The following KCNQ1OT1 variants were observed in gnomAD, a reference collection of about 807,000 sequenced individuals.
The protein encoded by KCNQ1OT1 is KCNQ1 antisense RNA 2 (non-protein coding).
chr11:2,692,093 T>A (rs550973613), exon 1 of KCNQ1OT1: 7 of 398,208 alleles, frequency 1.8e-5, no homozygotes, highest in African/African-American at 1.4e-4. Flanking sequence ...TGCCCCCACC[T>A]CCTCTCCACA....
chr11:2,612,806 AT>A lies in KCNQ1OT1; in HGVS notation n.87188del, dbSNP rs1035462387. The A allele has an allele frequency of 1.8e-5, 7 of 398,012 alleles. No homozygotes were observed. Among genetic ancestry groups the A allele is most frequent in the Non-Finnish European group, 3.1e-5 (7 of 225,970 alleles). 24.7% of individuals were successfully genotyped at this position (398,012 alleles called of 1,614,324 possible). ...AATTTTCTGTTTCTTTGCATATCTC[AT>A]TTTTTTTGTTAAAAACTTACTTTAG... On this transcript the variant is annotated non_coding_transcript_exon_variant, in exon 1 of 1. Coordinates refer to ENST00000597346, the Ensembl canonical transcript of KCNQ1OT1. The surrounding 1 kb of genome is among the most constrained non-coding windows in gnomAD (Gnocchi z 5.5).
exon 1 of KCNQ1OT1, chr11:2,688,858 G>A: frequency 2.5e-6 from 1 of 399,158 alleles, no homozygotes; most frequent in Non-Finnish European, 4.4e-6. Context: ...AGAGGGCTGG[G>A]CCAGAGGTCA....
rs1208119503 is a variant in KCNQ1OT1, at chr11:2,652,642, C to T, written n.47353G>A. ...TCTTGGGAGACCTAGACAGTGACTT[C>T]CTGCAGCATGGAGACCCGGGTGGGT... On this transcript the variant is annotated non_coding_transcript_exon_variant, in exon 1 of 1. Coordinates refer to ENST00000597346, the Ensembl canonical transcript of KCNQ1OT1. The surrounding 1 kb of genome is among the most constrained non-coding windows in gnomAD (Gnocchi z 5.9). 1 of 398,630 alleles carries T rather than the reference C, an allele frequency of 2.5e-6. No individual in the cohort carries two copies. The highest frequency in any genetic ancestry group is 4.4e-6 in the Non-Finnish European group (1 of 226,174). The allele number at this position is 398,630 out of a possible 1,614,324, so 24.7% of individuals were successfully genotyped here. A position where few individuals can be genotyped will look rare whatever the true frequency, so the allele number is the denominator to read the frequency against.
exon 1 of KCNQ1OT1, chr11:2,672,502 G>C (rs415020): frequency 2.5e-6 from 1 of 398,688 alleles, no homozygotes. Flanking sequence ...GTGCCTAGGA[G>C]CTCTGTGCTC....
rs534052659 is a variant in KCNQ1OT1, at chr11:2,644,615, C to T, written n.55380G>A. ...TTCCTTAGGAGTTGTCATGTTTTGC[C>T]TTTTCATGTTTCTTGTGTGCTTACA... On this transcript the variant is annotated non_coding_transcript_exon_variant, in exon 1 of 1. Coordinates refer to ENST00000597346, the Ensembl canonical transcript of KCNQ1OT1. 8.8e-4 allele frequency: 351 copies of T among 398,408 alleles called. 1 individual carries two copies. The highest frequency in any genetic ancestry group is 5.7e-3 in the African/African-American group (277 of 48,702). 24.7% of individuals were successfully genotyped at this position (398,408 alleles called of 1,614,324 possible). A position where few individuals can be genotyped will look rare whatever the true frequency, so the allele number is the denominator to read the frequency against.
exon 1 of KCNQ1OT1, chr11:2,699,798 G>A (rs1454221624): frequency 2.8e-5 from 11 of 396,990 alleles, no homozygotes; most frequent in Non-Finnish European, 4.9e-5. Flanking sequence ...GCCGAGGGGC[G>A]CGCCGGGGAG....
In KCNQ1OT1 at chr11:2,687,690, G is replaced by A. The variant is rs1244101847; in HGVS notation, n.12305C>T. The A allele has an allele frequency of 1.0e-5, 4 of 398,654 alleles. No individual in the cohort carries two copies. Among genetic ancestry groups the A allele is most frequent in the Non-Finnish European group, 1.8e-5 (4 of 226,188 alleles). 24.7% of individuals were successfully genotyped at this position (398,654 alleles called of 1,614,324 possible). A position where few individuals can be genotyped will look rare whatever the true frequency, so the allele number is the denominator to read the frequency against. ...CAGGTCTCAGGGAGCTCAGGGTTCAGTGTTGGAATGGGTCTGGGCCCAGAT... is the reference window on the plus strand; with the variant it reads ...CAGGTCTCAGGGAGCTCAGGGTTCAATGTTGGAATGGGTCTGGGCCCAGAT... On this transcript the variant is annotated non_coding_transcript_exon_variant, in exon 1 of 1. Coordinates refer to ENST00000597346, the Ensembl canonical transcript of KCNQ1OT1. The surrounding 1 kb of genome is among the most constrained non-coding windows in gnomAD (Gnocchi z 5.0).
In KCNQ1OT1 at chr11:2,656,778, C is replaced by A. The variant is rs560815351; in HGVS notation, n.43217G>T. The A allele has an allele frequency of 9.8e-5, 39 of 398,584 alleles. No homozygotes were observed. In the East Asian group the frequency reaches 1.1e-3, roughly 11 times the overall value. 24.7% of individuals were successfully genotyped at this position (398,584 alleles called of 1,614,324 possible). A position where few individuals can be genotyped will look rare whatever the true frequency, so the allele number is the denominator to read the frequency against. On this transcript the variant is annotated non_coding_transcript_exon_variant, in exon 1 of 1. Coordinates refer to ENST00000597346, the Ensembl canonical transcript of KCNQ1OT1. The stretch of plus-strand genomic sequence containing the variant: ...TGGTTATTGCTTCTTTTAAAAAAAA[C>A]CATCCTAATGCTGATGTCATTAAGA...
Position 2,654,531 on chromosome 11 carries a change from G to A in KCNQ1OT1, n.45464C>T. 1 of 398,798 alleles carries A rather than the reference G, an allele frequency of 2.5e-6. No homozygotes were observed. Among genetic ancestry groups the A allele is most frequent in the Non-Finnish European group, 4.4e-6 (1 of 226,240 alleles). The allele number at this position is 398,798 out of a possible 1,614,324, so 24.7% of individuals were successfully genotyped here. A position where few individuals can be genotyped will look rare whatever the true frequency, so the allele number is the denominator to read the frequency against. ...AGCCCTGGAAAGCTTGTGGAAGAGG[G>A]CTTGGGTTACACCTGGGAGATTAGG... On this transcript the variant is annotated non_coding_transcript_exon_variant, in exon 1 of 1. Coordinates refer to ENST00000597346, the Ensembl canonical transcript of KCNQ1OT1. This position sits in a 1 kb window ranked among gnomAD's most constrained non-coding sequence, Gnocchi z 6.4.
chr11:2,610,245 C>A (rs1848957090), exon 1 of KCNQ1OT1: 1 of 397,774 alleles, frequency 2.5e-6, no homozygotes, highest in East Asian at 3.6e-5. Flanking sequence ...TATATTAATC[C>A]TGGTGAGATA....
In KCNQ1OT1 at chr11:2,621,699, C is replaced by G; in HGVS notation, n.78296G>C. ...TTGTTCATAAAAGTCCCTTATGATC[C>G]TTTTTATTTCTGAAGTACCTGTTGT... On this transcript the variant is annotated non_coding_transcript_exon_variant, in exon 1 of 1. Coordinates refer to ENST00000597346, the Ensembl canonical transcript of KCNQ1OT1. The surrounding 1 kb of genome is among the most constrained non-coding windows in gnomAD (Gnocchi z 5.7). The G allele has an allele frequency of 2.5e-6, 1 of 398,302 alleles. No homozygotes were observed. The highest frequency in any genetic ancestry group is 4.4e-6 in the Non-Finnish European group (1 of 225,978). 24.7% of individuals were successfully genotyped at this position (398,302 alleles called of 1,614,324 possible). A position where few individuals can be genotyped will look rare whatever the true frequency, so the allele number is the denominator to read the frequency against.
At position 2,690,006 on chromosome 11, in the gene KCNQ1OT1, G is replaced by A; in HGVS notation, n.9989C>T. On this transcript the variant is annotated non_coding_transcript_exon_variant, in exon 1 of 1. Transcript: ENST00000597346. The surrounding 1 kb of genome is among the most constrained non-coding windows in gnomAD (Gnocchi z 5.1). ...ACCTTTGCCCAAGCAGAGAACTGTTGAGGAAGGTGAGCCTTCCGAGGGCCA... is the reference window on the plus strand; with the variant it reads ...ACCTTTGCCCAAGCAGAGAACTGTTAAGGAAGGTGAGCCTTCCGAGGGCCA... The A allele has an allele frequency of 5.0e-6, 2 of 398,872 alleles. No homozygotes were observed. The highest frequency in any genetic ancestry group is 8.8e-6 in the Non-Finnish European group (2 of 226,260). 24.7% of individuals were successfully genotyped at this position (398,872 alleles called of 1,614,324 possible). A position where few individuals can be genotyped will look rare whatever the true frequency, so the allele number is the denominator to read the frequency against.
chr11:2,690,820 C>G lies in KCNQ1OT1; in HGVS notation n.9175G>C. 1 of 398,616 alleles carries G rather than the reference C, an allele frequency of 2.5e-6. No homozygotes were observed. Among genetic ancestry groups the G allele is most frequent in the Non-Finnish European group, 4.4e-6 (1 of 226,102 alleles). The allele number at this position is 398,616 out of a possible 1,614,324, so 24.7% of individuals were successfully genotyped here. ...TCCCTGTCTCCTTGGCTTCCAGCTT[C>G]CAGGCTCTGGCACTCCCACTGTTAG... On this transcript the variant is annotated non_coding_transcript_exon_variant, in exon 1 of 1. Coordinates refer to ENST00000597346, the Ensembl canonical transcript of KCNQ1OT1. This position sits in a 1 kb window ranked among gnomAD's most constrained non-coding sequence, Gnocchi z 5.1.
At chr11:2,660,764 C>G in exon 1 of KCNQ1OT1, 1 of 398,612 alleles carries the variant, frequency 2.5e-6, no homozygotes, top group South Asian at 1.3e-4. Flanking sequence ...CTGGGGGAGC[C>G]TGAATTGCTA....
chr11:2,632,958 G>A (rs1467920149), exon 1 of KCNQ1OT1: 1 of 398,296 alleles, frequency 2.5e-6, no homozygotes, highest in Non-Finnish European at 4.4e-6. Context: ...CAAACTGTAT[G>A]ATAGTCTACT....
exon 1 of KCNQ1OT1, chr11:2,630,173 G>A (rs1564838768): frequency 5.0e-6 from 2 of 398,198 alleles, no homozygotes; most frequent in Non-Finnish European, 4.4e-6. Context: ...TTATCAAAAT[G>A]ATTGTATGAT....
At chr11:2,640,715 T>C (rs757652021) in exon 1 of KCNQ1OT1, 2 of 398,452 alleles carry the variant, frequency 5.0e-6, no homozygotes. Context: ...TTTTTTATTT[T>C]GAAATATACA....
exon 1 of KCNQ1OT1, chr11:2,675,924 G>A: frequency 5.0e-6 from 2 of 398,660 alleles, no homozygotes; most frequent in Non-Finnish European, 4.4e-6. Context: ...TCATACAACA[G>A]TCTTTACACA....
At chr11:2,692,476 G>GGTA in exon 1 of KCNQ1OT1, 1 of 398,710 alleles carries the variant, frequency 2.5e-6, no homozygotes, top group Non-Finnish European at 4.4e-6. Flanking sequence ...CTGCCTTTCT[G>GGTA]GTAGTTCAGA....
Sources: gnomAD v4.1 joint callset for allele counts on GRCh38, gnomAD v4.1.1 for gene constraint, Gnocchi (gnomAD v3.1) non-coding constraint, MANE v1.5 for transcripts, NCBI Gene and HGNC (gene_info 2026-07-23, HGNC 2026-07-21) for gene names.